Variants in DSCAM observed in about 807,000 individuals in gnomAD.
The protein encoded by DSCAM is DS cell adhesion molecule.
In DSCAM, 47 loss-of-function variants were observed where a neutral mutation model predicts 217.7. That is an observed-to-expected ratio of 0.22 (90% CI 0.17 to 0.28). The LOEUF (loss-of-function observed/expected upper bound fraction) is 0.28, where lower values mean the gene tolerates loss of function less well. Among genes scored for constraint, DSCAM ranks in the 10% least tolerant of loss-of-function variants. DSCAM has a pLI of 1.00. For missense variants in DSCAM, 2,080 were observed against 2,618.3 expected (o/e 0.79, Z 4.49); for synonymous variants, 1,056 against 1,015.3 (o/e 1.04, Z -0.76).
At chr21:40,375,513 C>G (rs1488732071) in intron 3 of DSCAM, among the ~76,000 whole-genome samples, 2 of 152,210 alleles carry the variant, frequency 1.3e-5, no homozygotes, top group East Asian at 3.8e-4. Context: ...TTCTTGTCAT[C>G]CTGGCCTCAG....
Position 40,012,205 on chromosome 21 carries a change from C to G in DSCAM, c.*829G>C. The G allele has an allele frequency of 1.3e-5, 2 of 152,212 alleles. 1 individual carries two copies. Among genetic ancestry groups the G allele is most frequent in the Non-Finnish European group, 2.9e-5 (2 of 68,068 alleles). 9.4% of individuals were successfully genotyped at this position (152,212 alleles called of 1,614,324 possible). A position where few individuals can be genotyped will look rare whatever the true frequency, so the allele number is the denominator to read the frequency against. ...GGCTGGCCTCTGGTTGCGGTGGAGA[C>G]CAGCCTGCATTTTGTCCTCTCCAGC... is the stretch of plus-strand genomic sequence containing the variant. On this transcript the variant is annotated 3_prime_UTR_variant, in exon 33 of 33. Coordinates refer to ENST00000400454, the MANE Select transcript of DSCAM (RefSeq NM_001389.5).
At chr21:40,237,307 T>G (rs771665480) in intron 11 of DSCAM, among the ~76,000 whole-genome samples, 32 of 152,174 alleles carry the variant, frequency 2.1e-4, no homozygotes, top group Non-Finnish European at 2.9e-4. Context: ...GGTGGTTTGC[T>G]GCACCCATCA....
chr21:40,094,956 A>G (rs1440849824), intron 20 of DSCAM, among the ~76,000 whole-genome samples: 7 of 152,254 alleles, frequency 4.6e-5, no homozygotes, highest in African/African-American at 7.2e-5. Flanking sequence ...CTGGATAAAC[A>G]TAATATGTCA....
intron 3 of DSCAM, among the ~76,000 whole-genome samples, chr21:40,571,442 A>C (rs994309796): frequency 4.6e-5 from 7 of 152,200 alleles, no homozygotes; most frequent in Non-Finnish European, 8.8e-5. Context: ...AATATGTATC[A>C]GTTTAAGAAA....
At chr21:40,766,686 A>AAC (rs1555887006) in intron 1 of DSCAM, among the ~76,000 whole-genome samples, 8 of 121,736 alleles carry the variant, frequency 6.6e-5, no homozygotes, top group Admixed American at 5.0e-4. Flanking sequence ...AAAAAAAAAA[A>AAC]AACAACTTTT....
At chr21:40,489,706 C>T (rs1186651132) in intron 3 of DSCAM, among the ~76,000 whole-genome samples, 38 of 123,666 alleles carry the variant, frequency 3.1e-4, no homozygotes, top group South Asian at 8.4e-4. Context: ...ACCCGGGAGG[C>T]GGAGCTTGCA....
intron 3 of DSCAM, among the ~76,000 whole-genome samples, chr21:40,591,339 T>C (rs1037804471): frequency 9.9e-5 from 15 of 152,224 alleles, no homozygotes; most frequent in African/African-American, 3.6e-4. Flanking sequence ...TTCAGGAGGC[T>C]GGGAATTCCA....
intron 32 of DSCAM, among the ~76,000 whole-genome samples, chr21:40,041,308 A>T (rs1323871611): frequency 6.6e-6 from 1 of 152,216 alleles, no homozygotes; most frequent in African/African-American, 2.4e-5. Context: ...TTTCAGGGTG[A>T]AAAAGAAAAA....
intron 3 of DSCAM, among the ~76,000 whole-genome samples, chr21:40,498,764 T>C (rs1167571006): frequency 8.6e-5 from 3 of 34,826 alleles, no homozygotes; most frequent in African/African-American, 4.9e-4. Flanking sequence ...TATGGGTGTA[T>C]ATATATATAT....
At position 40,042,352 on chromosome 21, in the gene DSCAM, G is replaced by C. The variant is rs148999611; in HGVS notation, c.5686+19C>G. The C allele has an allele frequency of 3.4e-4, 540 of 1,609,570 alleles. No individual in the cohort carries two copies. The African/African-American group carries it at 5.1e-3, about 15-fold the overall frequency. On this transcript the variant is annotated intron_variant, in intron 32 of 32. Coordinates refer to ENST00000400454, the MANE Select transcript of DSCAM (RefSeq NM_001389.5). Reference sequence around the variant, plus strand: ...GCACTTCCCTAAGCGACGGCCCCCAGGTGGCCTTGCTCACCTACCTGGCCG... The same window carrying C: ...GCACTTCCCTAAGCGACGGCCCCCACGTGGCCTTGCTCACCTACCTGGCCG...
intron 3 of DSCAM, among the ~76,000 whole-genome samples, chr21:40,574,985 C>A (rs2076837308): frequency 6.6e-6 from 1 of 151,788 alleles, no homozygotes; most frequent in South Asian, 2.1e-4. Context: ...TGAGCCCAAG[C>A]TAAGCCATCG....
At chr21:40,821,440 C>T (rs1050957665) in intron 1 of DSCAM, among the ~76,000 whole-genome samples, 1 of 151,726 alleles carries the variant, frequency 6.6e-6, no homozygotes, top group Non-Finnish European at 1.5e-5. Context: ...GCTTTCAATG[C>T]CTAGCCCTCT....
chr21:40,133,893 C>G lies in DSCAM; in HGVS notation c.3523G>C (p.Val1175Leu), dbSNP rs780169077. 6.2e-7 allele frequency: 1 copy of G among 1,613,544 alleles called. No homozygotes were observed. The highest frequency in any genetic ancestry group is 1.7e-5 in the Admixed American group (1 of 59,992). Residue 1175 changes from valine (V) to leucine (L), a missense_variant, in exon 19 of 33, where the codon GTC becomes CTC. Val to Leu is a conservative substitution (Grantham distance 32). Coordinates refer to ENST00000400454, the MANE Select transcript of DSCAM (RefSeq NM_001389.5). Reference sequence around the variant, plus strand: ...CGGGTGAAGATCTGCTCACTCCTGACCCCGTCTCCTGCGCGGGTGAAGGCC... The same window carrying G: ...CGGGTGAAGATCTGCTCACTCCTGAGCCCGTCTCCTGCGCGGGTGAAGGCC... ...VLAFTRAGDG[V>L]RSEQIFTRTK...
chr21:40,668,681 C>G (rs1419962216), intron 3 of DSCAM, among the ~76,000 whole-genome samples: 1 of 152,114 alleles, frequency 6.6e-6, no homozygotes, highest in Non-Finnish European at 1.5e-5. Flanking sequence ...TGTTTAAGTA[C>G]TATTCTGGGA....
intron 11 of DSCAM, among the ~76,000 whole-genome samples, chr21:40,214,545 C>G (rs1601448288): frequency 6.6e-6 from 1 of 151,866 alleles, no homozygotes; most frequent in Admixed American, 6.6e-5. Context: ...GAACACAGGA[C>G]CGTAAACAGC....
chr21:40,445,127 A>G (rs2075663972), intron 3 of DSCAM, among the ~76,000 whole-genome samples: 1 of 152,092 alleles, frequency 6.6e-6, no homozygotes, highest in Non-Finnish European at 1.5e-5. Context: ...AGCCCCTTCA[A>G]CATCTGTTAT....
chr21:40,611,341 G>A (rs547254429), intron 3 of DSCAM, among the ~76,000 whole-genome samples: 1 of 152,208 alleles, frequency 6.6e-6, no homozygotes, highest in African/African-American at 2.4e-5. Context: ...ACAGGTGCGA[G>A]CCACTGTGCC....
chr21:40,276,088 C>T lies in DSCAM; in HGVS notation c.2356+9G>A. 1.9e-6 allele frequency: 3 copies of T among 1,550,052 alleles called. No homozygotes were observed. The highest frequency in any genetic ancestry group is 1.2e-5 in the South Asian group (1 of 81,028). On this transcript the variant is annotated intron_variant, in intron 11 of 32. Transcript: ENST00000400454. Reference sequence around the variant, plus strand: ...AACTAGGTAAAACGAAGCATTTCTTCTCTCTTACTTTTAACCGTGAGGTAC... The same window carrying T: ...AACTAGGTAAAACGAAGCATTTCTTTTCTCTTACTTTTAACCGTGAGGTAC...
intron 3 of DSCAM, among the ~76,000 whole-genome samples, chr21:40,559,994 C>T (rs546900547): frequency 2.6e-5 from 4 of 151,956 alleles, no homozygotes; most frequent in Non-Finnish European, 5.9e-5. Flanking sequence ...GGGGTTTCAC[C>T]GTGTTAGCCA....
Sources: gnomAD v4.1 joint callset for allele counts (sites outside exome capture counted in the v4.1 genomes callset) on GRCh38, gnomAD v4.1.1 for gene constraint, MANE v1.5 for transcripts, NCBI Gene and HGNC (gene_info 2026-07-23, HGNC 2026-07-21) for gene names.